Variants in OR10A6 observed in about 807,000 individuals in gnomAD.
OR10A6 encodes the protein olfactory receptor family 10 subfamily A member 6 (gene/pseudogene).
OR10A6 carries 2 observed loss-of-function variants against 1.5 expected under a neutral mutation model. That is an observed-to-expected ratio of 1.31 (90% confidence interval 0.54 to 4.13). The LOEUF is 4.13. Ranked by LOEUF, OR10A6 falls within the 30% of genes most tolerant of loss-of-function variation. The probability of loss-of-function intolerance (pLI) is 0.07; values close to 1 mark genes in which losing one functional copy is unlikely to be tolerated. For synonymous variants in OR10A6, 169 were observed against 137.3 expected (o/e 1.23, Z -1.61); for missense variants, 492 against 368.6 (o/e 1.33, Z -2.74).
At position 7,925,900 on chromosome 11, in the gene OR10A6, C is replaced by T. The variant is rs922014834; in HGVS notation, c.*1818G>A. On this transcript the variant is annotated 3_prime_UTR_variant, in exon 4 of 4. Coordinates refer to ENST00000641238, the MANE Select transcript of OR10A6 (RefSeq NM_001004461.2). ...GGGTGGGTTCCTGGTGAAACCCCAC[C>T]TCTAAACAAAAGACAGTTTAAAGCC... The T allele has an allele frequency of 3.9e-5, 6 of 152,192 alleles. No homozygotes were observed. The highest frequency in any genetic ancestry group is 1.4e-4 in the African/African-American group (6 of 41,460). 9.4% of individuals were successfully genotyped at this position (152,192 alleles called of 1,614,324 possible).
Position 7,926,423 on chromosome 11 carries a change from C to A in OR10A6, c.*1295G>T, listed in dbSNP as rs1564865281. On this transcript the variant is annotated 3_prime_UTR_variant, in exon 4 of 4. Coordinates refer to ENST00000641238, the MANE Select transcript of OR10A6 (RefSeq NM_001004461.2). ...CAGGGGTCCCCAGCTTCCAAAGTGA[C>A]TGAGAAGAAAAGTCCTGCATCATTA... 6.6e-6 allele frequency: 1 copy of A among 152,216 alleles called. No homozygotes were observed. The highest frequency in any genetic ancestry group is 2.4e-5 in the African/African-American group (1 of 41,448). The allele number at this position is 152,216 out of a possible 1,614,324, so 9.4% of individuals were successfully genotyped here. A position where few individuals can be genotyped will look rare whatever the true frequency, so the allele number is the denominator to read the frequency against.
Position 7,927,652 on chromosome 11 carries a change from A to AATTTAATAAATTTAG in OR10A6, c.*65_*66insCTAAATTTATTAAAT. The AATTTAATAAATTTAG allele has an allele frequency of 8.9e-7, 1 of 1,123,638 alleles. No homozygotes were observed. Among genetic ancestry groups the AATTTAATAAATTTAG allele is most frequent in the Non-Finnish European group, 1.3e-6 (1 of 783,892 alleles). The allele number at this position is 1,123,638 out of a possible 1,614,324, so 69.6% of individuals were successfully genotyped here. A position where few individuals can be genotyped will look rare whatever the true frequency, so the allele number is the denominator to read the frequency against. ...AAAAAATGCAAACTTAATGAATCTA[A>AATTTAATAAATTTAG]ATTTATTAAATTTAGATTGAATACA... On this transcript the variant is annotated 3_prime_UTR_variant, in exon 4 of 4. Coordinates refer to ENST00000641238, the MANE Select transcript of OR10A6 (RefSeq NM_001004461.2).
At position 7,929,962 on chromosome 11, in the gene OR10A6, G is replaced by GTGTGTATGTATATA. The variant is rs1433020713; in HGVS notation, c.-1301_-1300insTATATACATACACA. ...AAGCTCTAGTAAGGTATGTGTATGT[G>GTGTGTATGTATATA]TATGTATATATATATATATATATAT... is the stretch of plus-strand genomic sequence containing the variant. On this transcript the variant is annotated 5_prime_UTR_variant, in exon 4 of 4. Transcript: ENST00000641238. 4.0e-5 allele frequency: 1 copy of GTGTGTATGTATATA among 24,796 alleles called. No individual in the cohort carries two copies. The highest frequency in any genetic ancestry group is 7.2e-4 in the Admixed American group (1 of 1,388). 1.5% of individuals were successfully genotyped at this position (24,796 alleles called of 1,614,324 possible).
In OR10A6 at chr11:7,927,924, A is replaced by T; in HGVS notation, c.739T>A (p.Ser247Thr). The T allele has an allele frequency of 1.2e-6, 2 of 1,614,008 alleles. No homozygotes were observed. Among genetic ancestry groups the T allele is most frequent in the South Asian group, 2.2e-5 (2 of 91,084 alleles). Residue 247 changes from serine (S) to threonine (T), a missense_variant, in exon 4 of 4, where the codon TCT becomes ACT. Transcript: ENST00000641238. ...GCTGTGCCATAGAATAGGGTCACAG[A>T]TGTGAGGTGAGCGGCACAGGTGGAA... is the stretch of plus-strand genomic sequence containing the variant. ...AFSTCAAHLT[S>T]VTLFYGTASM...
Position 7,926,655 on chromosome 11 carries a change from C to G in OR10A6, c.*1063G>C, listed in dbSNP as rs1859407293. 6.6e-6 allele frequency: 1 copy of G among 152,122 alleles called. No individual in the cohort carries two copies. Among genetic ancestry groups the G allele is most frequent in the Non-Finnish European group, 1.5e-5 (1 of 68,036 alleles). 9.4% of individuals were successfully genotyped at this position (152,122 alleles called of 1,614,324 possible). On this transcript the variant is annotated 3_prime_UTR_variant, in exon 4 of 4. Transcript: ENST00000641238. ...GAGCAGAAATGAAGGGTGTTGTCAACTCCTTTGATATAGATTTAATGAGAA... is the reference window on the plus strand; with the variant it reads ...GAGCAGAAATGAAGGGTGTTGTCAAGTCCTTTGATATAGATTTAATGAGAA...
Position 7,925,569 on chromosome 11 carries a change from A to C in OR10A6, c.*2149T>G, listed in dbSNP as rs561010768. On this transcript the variant is annotated 3_prime_UTR_variant, in exon 4 of 4. Transcript: ENST00000641238. ...TTAGCTCTCTTAAGACATTTTTATA[A>C]AGAATTTTTTTTAAGAAAAAAATTG... The C allele has an allele frequency of 2.3e-5, 3 of 128,198 alleles. No individual in the cohort carries two copies. Among genetic ancestry groups the C allele is most frequent in the African/African-American group, 5.3e-5 (2 of 37,402 alleles). 7.9% of individuals were successfully genotyped at this position (128,198 alleles called of 1,614,324 possible).
rs1266834722 is a variant in OR10A6, at chr11:7,930,130, A to T, written c.-1468T>A. On this transcript the variant is annotated 5_prime_UTR_variant, in exon 4 of 4. Coordinates refer to ENST00000641238, the MANE Select transcript of OR10A6 (RefSeq NM_001004461.2). The stretch of plus-strand genomic sequence containing the variant: ...CAACATTTTTGAATAAATGAATTTT[A>T]AAATAAGAAAAACCTAGACTCTATT... 1.3e-5 allele frequency: 2 copies of T among 151,264 alleles called. No individual in the cohort carries two copies. The highest frequency in any genetic ancestry group is 4.9e-5 in the African/African-American group (2 of 41,086). The allele number at this position is 151,264 out of a possible 1,614,324, so 9.4% of individuals were successfully genotyped here. A position where few individuals can be genotyped will look rare whatever the true frequency, so the allele number is the denominator to read the frequency against.
Position 7,927,530 on chromosome 11 carries a change from T to G in OR10A6, c.*188A>C. 1 of 517,452 alleles carries G rather than the reference T, an allele frequency of 1.9e-6. No homozygotes were observed. Among genetic ancestry groups the G allele is most frequent in the Non-Finnish European group, 3.4e-6 (1 of 295,308 alleles). The allele number at this position is 517,452 out of a possible 1,614,324, so 32.1% of individuals were successfully genotyped here. On this transcript the variant is annotated 3_prime_UTR_variant, in exon 4 of 4. Coordinates refer to ENST00000641238, the MANE Select transcript of OR10A6 (RefSeq NM_001004461.2). ...TGTTATATTCAATATTAAGGAATATTATGCACTGGTGAAAAAACTAAAAAC... is the reference window on the plus strand; with the variant it reads ...TGTTATATTCAATATTAAGGAATATGATGCACTGGTGAAAAAACTAAAAAC...
Position 7,929,755 on chromosome 11 carries a change from TACACAC to T in OR10A6, c.-1099_-1094del, listed in dbSNP as rs71280837. 7.2e-5 allele frequency: 7 copies of T among 97,264 alleles called. No individual in the cohort carries two copies. The highest frequency in any genetic ancestry group is 1.6e-4 in the Non-Finnish European group (7 of 44,944). The allele number at this position is 97,264 out of a possible 1,614,324, so 6.0% of individuals were successfully genotyped here. ...ATATATATATATATATATATATATATACACACACATGCACACATATATATACACAAC... is the reference window on the plus strand; with the variant it reads ...ATATATATATATATATATATATATATACATGCACACATATATATACACAAC... On this transcript the variant is annotated 5_prime_UTR_variant, in exon 4 of 4. Transcript: ENST00000641238.
chr11:7,928,131 A>T lies in OR10A6; in HGVS notation c.532T>A (p.Ser178Thr). 6.2e-7 allele frequency: 1 copy of T among 1,614,022 alleles called. No homozygotes were observed. The highest frequency in any genetic ancestry group is 8.5e-7 in the Non-Finnish European group (1 of 1,179,982). ...FCGLNEINHI[S>T]CETPAVLELA... The stretch of plus-strand genomic sequence containing the variant: ...TCTAACACTGCTGGGGTTTCACAAG[A>T]TATATGGTTAATTTCATTAAGGCCA... Residue 178 changes from serine (S) to threonine (T), a missense_variant, in exon 4 of 4, where the codon TCT becomes ACT. Coordinates refer to ENST00000641238, the MANE Select transcript of OR10A6 (RefSeq NM_001004461.2).
chr11:7,928,010 TAAGAC>T lies in OR10A6; in HGVS notation c.648_652del (p.Ser217HisfsTer77), dbSNP rs754152243. 13 of 1,613,828 alleles carry T rather than the reference TAAGAC, an allele frequency of 8.1e-6. No homozygotes were observed. The highest frequency in any genetic ancestry group is 1.7e-5 in the Admixed American group (1 of 59,900). Reference sequence around the variant, plus strand: ...CAGGATGGCAAACAGAACTCGAATGTAAGACAAGAGTATCAACAAGAAAGGAACCA... The same window carrying T: ...CAGGATGGCAAACAGAACTCGAATGTAAGAGTATCAACAAGAAAGGAACCA... On this transcript the variant is annotated frameshift_variant, in exon 4 of 4. Coordinates refer to ENST00000641238, the MANE Select transcript of OR10A6 (RefSeq NM_001004461.2). LOFTEE classifies it high-confidence loss of function.
chr11:7,924,651 G>A lies in OR10A6; in HGVS notation c.*3067C>T, dbSNP rs1372277398. 4.0e-5 allele frequency: 6 copies of A among 151,600 alleles called. No homozygotes were observed. Among genetic ancestry groups the A allele is most frequent in the Non-Finnish European group, 7.4e-5 (5 of 67,936 alleles). The allele number at this position is 151,600 out of a possible 1,614,324, so 9.4% of individuals were successfully genotyped here. A position where few individuals can be genotyped will look rare whatever the true frequency, so the allele number is the denominator to read the frequency against. The stretch of plus-strand genomic sequence containing the variant: ...CAAATACTGGATTAAACAAAGACAA[G>A]GTTTATTTCTCTGAAGTAACAGTCA... On this transcript the variant is annotated 3_prime_UTR_variant, in exon 4 of 4. Coordinates refer to ENST00000641238, the MANE Select transcript of OR10A6 (RefSeq NM_001004461.2).
In OR10A6 at chr11:7,929,755, T is replaced by TATATATATATACAC. The variant is rs55811645; in HGVS notation, c.-1094_-1093insGTGTATATATATAT. On this transcript the variant is annotated 5_prime_UTR_variant, in exon 4 of 4. It removes the in-frame stop codon of an upstream open reading frame in the 5' UTR. Coordinates refer to ENST00000641238, the MANE Select transcript of OR10A6 (RefSeq NM_001004461.2). ...ATATATATATATATATATATATATA[T>TATATATATATACAC]ACACACACATGCACACATATATATA... The TATATATATATACAC allele has an allele frequency of 2.5e-3, 241 of 97,156 alleles. No individual in the cohort carries two copies. Among genetic ancestry groups the TATATATATATACAC allele is most frequent in the African/African-American group, 4.3e-3 (119 of 27,962 alleles). 6.0% of individuals were successfully genotyped at this position (97,156 alleles called of 1,614,324 possible).
At position 7,931,255 on chromosome 11, in the gene OR10A6, A is replaced by G. The variant is rs1859528535; in HGVS notation, c.-1968T>C. 1 of 152,196 alleles carries G rather than the reference A, an allele frequency of 6.6e-6. No homozygotes were observed. The highest frequency in any genetic ancestry group is 2.1e-4 in the South Asian group (1 of 4,830). The allele number at this position is 152,196 out of a possible 1,614,324, so 9.4% of individuals were successfully genotyped here. A position where few individuals can be genotyped will look rare whatever the true frequency, so the allele number is the denominator to read the frequency against. ...TTTATCAGAAGATTCACCTGTAGTC[A>G]AAAGCCACCTATTCACAAACACAAC... On this transcript the variant is annotated 5_prime_UTR_variant, in exon 1 of 4. Transcript: ENST00000641238.
Position 7,928,516 on chromosome 11 carries a change from G to A in OR10A6, c.147C>T (p.Val49=), listed in dbSNP as rs939176135. ...GAACGTGGAGGCTCTGGTCTAGGGAGACGATGACTATAATAATGGCATTTC... is the reference window on the plus strand; with the variant it reads ...GAACGTGGAGGCTCTGGTCTAGGGAAACGATGACTATAATAATGGCATTTC... ...LIGNAIIIVI[V]SLDQSLHVPM... Residue 49 remains valine (V), a synonymous_variant, in exon 4 of 4, where the codon GTC becomes GTT. Coordinates refer to ENST00000641238, the MANE Select transcript of OR10A6 (RefSeq NM_001004461.2). 1 of 1,613,834 alleles carries A rather than the reference G, an allele frequency of 6.2e-7. No homozygotes were observed. The highest frequency in any genetic ancestry group is 8.5e-7 in the Non-Finnish European group (1 of 1,179,822).
chr11:7,929,966 G>GTATATATGTGTGTATATATATATA lies in OR10A6; in HGVS notation c.-1305_-1304insTATATATATATACACACATATATA, dbSNP rs1859500292. 1.7e-5 allele frequency: 1 copy of GTATATATGTGTGTATATATATATA among 57,262 alleles called. No individual in the cohort carries two copies. The highest frequency in any genetic ancestry group is 2.4e-4 in the Admixed American group (1 of 4,162). The allele number at this position is 57,262 out of a possible 1,614,324, so 3.5% of individuals were successfully genotyped here. A position where few individuals can be genotyped will look rare whatever the true frequency, so the allele number is the denominator to read the frequency against. Reference sequence around the variant, plus strand: ...TCTAGTAAGGTATGTGTATGTGTATGTATATATATATATATATATATATAT... The same window carrying GTATATATGTGTGTATATATATATA: ...TCTAGTAAGGTATGTGTATGTGTATGTATATATGTGTGTATATATATATATATATATATATATATATATATATAT... On this transcript the variant is annotated 5_prime_UTR_variant, in exon 4 of 4. Coordinates refer to ENST00000641238, the MANE Select transcript of OR10A6 (RefSeq NM_001004461.2).
Position 7,927,971 on chromosome 11 carries a change from G to A in OR10A6, c.692C>T (p.Thr231Ile), listed in dbSNP as rs1859445889. 1.2e-6 allele frequency: 2 copies of A among 1,613,840 alleles called. No homozygotes were observed. Among genetic ancestry groups the A allele is most frequent in the South Asian group, 1.1e-5 (1 of 91,080 alleles). The change falls in exon 4 of 4, where the codon ACC (threonine) becomes ATC (isoleucine). Residue 231 changes from threonine to isoleucine, a missense_variant. Transcript: ENST00000641238. ...VLFAILKMPSTTGRQKAFSTC... is the reference protein window; with the variant it reads ...VLFAILKMPSITGRQKAFSTC... ...GGAAAAGGCCTTTTGTCTCCCAGTG[G>A]TTGATGGCATCTTCAGGATGGCAAA... is the stretch of plus-strand genomic sequence containing the variant.
At position 7,928,726 on chromosome 11, in the gene OR10A6, C is replaced by T; in HGVS notation, c.-64G>A. On this transcript the variant is annotated 5_prime_UTR_variant, in exon 4 of 4. An upstream start codon of the reference 5' UTR is lost. Coordinates refer to ENST00000641238, the MANE Select transcript of OR10A6 (RefSeq NM_001004461.2). ...GTATATACAGAATAAAGCCACAGTC[C>T]ATTAGCTAAGAGTTCCAGTCTGCAT... 8.2e-7 allele frequency: 1 copy of T among 1,219,730 alleles called. No homozygotes were observed. The highest frequency in any genetic ancestry group is 1.1e-6 in the Non-Finnish European group (1 of 893,002). 75.6% of individuals were successfully genotyped at this position (1,219,730 alleles called of 1,614,324 possible).
rs55811645 is a variant in OR10A6 at position 7,929,755 on chromosome 11, T to TATATACAC, written c.-1094_-1093insGTGTATAT. 8 of 97,260 alleles carry TATATACAC rather than the reference T, an allele frequency of 8.2e-5. No homozygotes were observed. Among genetic ancestry groups the TATATACAC allele is most frequent in the African/African-American group, 2.5e-4 (7 of 28,010 alleles). 6.0% of individuals were successfully genotyped at this position (97,260 alleles called of 1,614,324 possible). ...ATATATATATATATATATATATATATACACACACATGCACACATATATATA... is the reference window on the plus strand; with the variant it reads ...ATATATATATATATATATATATATATATATACACACACACACATGCACACATATATATA... On this transcript the variant is annotated 5_prime_UTR_variant, in exon 4 of 4. An upstream open reading frame in the 5' UTR loses its in-frame stop. Transcript: ENST00000641238.
Sources: allele counts gnomAD v4.1 joint callset, GRCh38; gene constraint gnomAD v4.1.1; transcripts MANE v1.5; gene names NCBI Gene and HGNC (gene_info 2026-07-23, HGNC 2026-07-21).